Variants in ZNF692 observed in about 807,000 individuals in gnomAD.
ZNF692 encodes the protein zinc finger protein 692.
Under a neutral mutation model 49.0 loss-of-function variants are expected in ZNF692, and 41 were observed. The observed-to-expected ratio is 0.84, with a 90% CI of 0.65 to 1.08. The LOEUF (loss-of-function observed/expected upper bound fraction) is 1.08. ZNF692 is among the 50% of genes least tolerant of loss of function. ZNF692 has a pLI of 0.00. For missense variants in ZNF692, 662 were observed against 662.2 expected (o/e 1.00, Z 0.00); for synonymous variants, 288 against 251.5 (o/e 1.15, Z -1.37).
rs577709459 is a variant in ZNF692 at position 248,857,688 on chromosome 1, C to T, written c.211+140G>A. 8.1e-6 allele frequency: 12 copies of T among 1,478,146 alleles called. No individual in the cohort carries two copies. The African/African-American group carries it at 1.6e-4, about 19-fold the overall frequency. The allele number at this position is 1,478,146 out of a possible 1,614,324, so 91.6% of individuals were successfully genotyped here. Reference sequence around the variant, plus strand: ...TCCCTTCCCCACCCAGAGGTTGCCTCCATCAAACTACCCTGTGCTCCCCAA... The same window carrying T: ...TCCCTTCCCCACCCAGAGGTTGCCTTCATCAAACTACCCTGTGCTCCCCAA... On this transcript the variant is annotated intron_variant, in intron 3 of 11. Transcript: ENST00000306601.
In ZNF692 at chr1:248,850,362, T is replaced by C. The variant is rs1253961777; in HGVS notation, c.1408A>G (p.Ser470Gly). 4 of 1,613,966 alleles carry C rather than the reference T, an allele frequency of 2.5e-6. No homozygotes were observed. The highest frequency in any genetic ancestry group is 2.5e-6 in the Non-Finnish European group (3 of 1,180,018). ...PDSVAAHRSKSHPALLLAPQE... is the reference protein window; with the variant it reads ...PDSVAAHRSKGHPALLLAPQE... ...GGGGCTAGAAGCAGGGCTGGGTGAC[T>C]TTTGCTACGGTGGGCTGCAACACTG... Residue 470 changes from serine (S) to glycine (G), a missense_variant, in exon 12 of 12, where the codon AGT (serine) becomes GGT (glycine). By Grantham distance (56) the Ser-to-Gly change is moderately conservative (BLOSUM62 0). Transcript: ENST00000306601.
In ZNF692 at chr1:248,850,783, TGC is replaced by T; in HGVS notation, c.1154-4_1154-3del. The stretch of plus-strand genomic sequence containing the variant: ...ACTCACAGATGTAGTCCCGGGTGTC[TGC>T]AGGCATATGAGGGACACTCCAGCAT... On this transcript the variant is annotated splice_region_variant and splice_polypyrimidine_tract_variant and intron_variant, in intron 10 of 11. Coordinates refer to ENST00000306601, the MANE Select transcript of ZNF692 (RefSeq NM_017865.4). 1 of 1,613,962 alleles carries T rather than the reference TGC, an allele frequency of 6.2e-7. No homozygotes were observed. The highest frequency in any genetic ancestry group is 1.3e-5 in the African/African-American group (1 of 74,996).
chr1:248,856,226 G>A, intron 6 of ZNF692, 62 bp downstream of exon 6: 1 of 1,530,668 alleles, frequency 6.5e-7, no homozygotes, highest in Non-Finnish European at 8.8e-7. Context: ...GCAAAGCCAT[G>A]AACTGCCAGG....
chr1:248,853,968 T>C lies in ZNF692; in HGVS notation c.1122A>G (p.Lys374=). 1.2e-6 allele frequency: 2 copies of C among 1,614,176 alleles called. No individual in the cohort carries two copies. Among genetic ancestry groups the C allele is most frequent in the Non-Finnish European group, 1.7e-6 (2 of 1,180,010 alleles). The change falls in exon 10 of 12, where the codon AAA becomes AAG. Residue 374 remains lysine, a synonymous_variant. Transcript: ENST00000306601. ...PACGKSFNFK[K]HLKEHMKLHS... ...GCAGCTTCATGTGCTCCTTCAGGTG[T>C]TTCTTAAAGTTGAAAGACTTCCCAC...
chr1:248,854,764 C>A (rs1660037523), intron 9 of ZNF692, among the ~76,000 whole-genome samples: 2 of 152,192 alleles, frequency 1.3e-5, no homozygotes, highest in Admixed American at 1.3e-4. Flanking sequence ...ACAGCAGACT[C>A]CAGAATGTCT....
chr1:248,853,692 G>GCTGC (rs1659887621), intron 10 of ZNF692, among the ~76,000 whole-genome samples: 1 of 152,186 alleles, frequency 6.6e-6, no homozygotes, highest in Non-Finnish European at 1.5e-5. Flanking sequence ...GAGGGTTAGC[G>GCTGC]CTGCCTGCTC....
In ZNF692 at chr1:248,850,229, G is replaced by T. The variant is rs372672357; in HGVS notation, c.1541C>A (p.Thr514Asn). 2.3e-5 allele frequency: 35 copies of T among 1,536,172 alleles called. No homozygotes were observed. The highest frequency in any genetic ancestry group is 3.0e-5 in the Non-Finnish European group (34 of 1,141,526). The change falls in exon 12 of 12, where the codon ACC (threonine) becomes AAC (asparagine). Residue 514 changes from threonine to asparagine, a missense_variant. Physicochemically the swap from Thr to Asn is moderately conservative, Grantham distance 65. Coordinates refer to ENST00000306601, the MANE Select transcript of ZNF692 (RefSeq NM_017865.4). ...GAGAGCTCATTGCTGAGGAAGCAGG[G>T]TTGGAGCCTGAGGAGATGCAGAGGG... ...SRPSASPQAP[T>N]LLPQQ
Position 248,858,492 on chromosome 1 carries a change from G to T in ZNF692, c.-12-171C>A. The T allele has an allele frequency of 6.4e-7, 1 of 1,551,760 alleles. No homozygotes were observed. On this transcript the variant is annotated intron_variant, in intron 1 of 11. Transcript: ENST00000306601. The surrounding 1 kb of genome is among the most constrained non-coding windows in gnomAD (Gnocchi z 4.3). ...AAACCCCGTCCTTCTATGATACAGG[G>T]TGTTGAAGCTCAGCGCTACCATGTG...
chr1:248,857,490 C>T lies in ZNF692; in HGVS notation c.219G>A (p.Glu73=), dbSNP rs760673646. The change falls in exon 4 of 12, where the codon GAG becomes GAA. Residue 73 remains glutamate (E), a synonymous_variant. Coordinates refer to ENST00000306601, the MANE Select transcript of ZNF692 (RefSeq NM_017865.4). The part of the protein sequence containing the change: ...SSGCVLCAGP[E]PLPPKGLQYL... ...ACTGCAGACCTTTTGGAGGCAAAGG[C>T]TCAGGACCTGGAGGGGTGGGGGAAG... The T allele has an allele frequency of 6.8e-6, 11 of 1,612,568 alleles. No individual in the cohort carries two copies. The highest frequency in any genetic ancestry group is 9.3e-6 in the Non-Finnish European group (11 of 1,179,200).
At chr1:248,850,925 G>A in intron 10 of ZNF692, 144 bp from the exon 11 acceptor site, 1 of 776,016 alleles carries the variant, frequency 1.3e-6, no homozygotes, top group Non-Finnish European at 2.2e-6. Context: ...CCAAATCATG[G>A]AGCCCGTCTG....
In ZNF692 at chr1:248,852,886, C is replaced by T. The variant is rs1659761638; in HGVS notation, c.1153+1051G>A. Among the ~76,000 whole-genome samples, 3 of 152,210 alleles carry T rather than the reference C, an allele frequency of 2.0e-5. No individual in the cohort carries two copies. In the South Asian group the frequency reaches 6.2e-4, roughly 32 times the overall value. ...ATGTAGGGACACTCTGGCCTCATGGCTCTAAACACCACCCATATGCTCATG... is the reference window on the plus strand; with the variant it reads ...ATGTAGGGACACTCTGGCCTCATGGTTCTAAACACCACCCATATGCTCATG... On this transcript the variant is annotated intron_variant, in intron 10 of 11. Coordinates refer to ENST00000306601, the MANE Select transcript of ZNF692 (RefSeq NM_017865.4).
Position 248,854,555 on chromosome 1 carries a change from A to AACAC in ZNF692, c.1039-508_1039-505dup, listed in dbSNP as rs56057289. 39 of 136,540 alleles carry AACAC rather than the reference A, an allele frequency of 2.9e-4. No individual in the cohort carries two copies. The East Asian group carries it at 4.6e-3, about 16-fold the overall frequency. 8.5% of individuals were successfully genotyped at this position (136,540 alleles called of 1,614,324 possible). A position where few individuals can be genotyped will look rare whatever the true frequency, so the allele number is the denominator to read the frequency against. On this transcript the variant is annotated intron_variant, in intron 9 of 11. Coordinates refer to ENST00000306601, the MANE Select transcript of ZNF692 (RefSeq NM_017865.4). ...GATTTTCTTCTAAATCTGCTTTGGA[A>AACAC]ACACACACACACACACTCTCAACCT...
intron 10 of ZNF692, 122 bp from the exon 11 acceptor site, chr1:248,850,903 ATTAG>A (rs1398205810): frequency 1.3e-5 from 11 of 861,384 alleles, no homozygotes; most frequent in South Asian, 1.1e-4. Flanking sequence ...TCAGGTTCTA[ATTAG>A]TTGTTATCCA....
At chr1:248,854,134 C>T in intron 9 of ZNF692, 83 bp from the exon 10 acceptor site, 2 of 1,012,588 alleles carry the variant, frequency 2.0e-6, no homozygotes, top group East Asian at 2.4e-5. Flanking sequence ...GCTGACCCGG[C>T]AGGCATGCTC....
intron 3 of ZNF692, 23 bp downstream of exon 3, chr1:248,857,805 A>C (rs766444154): frequency 1.1e-5 from 17 of 1,611,520 alleles, no homozygotes; most frequent in African/African-American, 1.3e-5. Flanking sequence ...TCTGGCTCTC[A>C]CCCCCTGCCA....
chr1:248,850,409 C>T lies in ZNF692; in HGVS notation c.1361G>A (p.Gly454Asp). ...AALRFPCEFC[G>D]KRFEKPDSVA... ...ACTGTCTGGCTTCTCAAAGCGCTTG[C>T]CGCAGAATTCACAGGGGAAGCGCAA... Residue 454 changes from glycine (G) to aspartate (D), a missense_variant, in exon 12 of 12, where the codon GGC (glycine) becomes GAC (aspartate). Transcript: ENST00000306601. 1 of 1,614,170 alleles carries T rather than the reference C, an allele frequency of 6.2e-7. No homozygotes were observed. The highest frequency in any genetic ancestry group is 1.7e-5 in the Admixed American group (1 of 60,022).
At chr1:248,851,981 C>T (rs1471605923) in intron 10 of ZNF692, among the ~76,000 whole-genome samples, 4 of 152,168 alleles carry the variant, frequency 2.6e-5, no homozygotes, top group African/African-American at 9.7e-5. Flanking sequence ...ATTCACACTA[C>T]CAATCTTCCT....
intron 10 of ZNF692, among the ~76,000 whole-genome samples, chr1:248,852,805 A>G (rs1482226655): frequency 1.3e-4 from 20 of 151,790 alleles, no homozygotes; most frequent in Admixed American, 1.3e-3. Flanking sequence ...CATCTTCCTC[A>G]CTACTCACCT....
intron 8 of ZNF692, 44 bp from the exon 9 acceptor site, chr1:248,855,502 C>T: frequency 6.2e-7 from 1 of 1,614,002 alleles, no homozygotes; most frequent in Non-Finnish European, 8.5e-7. Context: ...CCTGCCTGCC[C>T]TTCTCTGCCT....
Sources: allele counts gnomAD v4.1 joint callset (sites outside exome capture counted in the v4.1 genomes callset), GRCh38; gene constraint gnomAD v4.1.1; non-coding constraint Gnocchi (gnomAD v3.1); transcripts MANE v1.5; gene names NCBI Gene and HGNC (gene_info 2026-07-23, HGNC 2026-07-21).